The following PPP1R3A variants were observed in gnomAD, a reference collection of about 807,000 sequenced individuals.
PPP1R3A encodes RG1.
Under a neutral mutation model 41.7 loss-of-function variants are expected in PPP1R3A, and 29 were observed. That is an observed-to-expected ratio of 0.70 (90% CI 0.52 to 0.95). The LOEUF (loss-of-function observed/expected upper bound fraction) is 0.95, where lower values mean the gene tolerates loss of function less well. PPP1R3A is among the 40% of genes least tolerant of loss of function. The pLI, the probability that PPP1R3A is intolerant of heterozygous loss-of-function variation, is 0.00. For missense variants in PPP1R3A, 1,352 were observed against 1,292.4 expected (o/e 1.05, Z -0.71); for synonymous variants, 485 against 453.4 (o/e 1.07, Z -0.89).
chr7:113,918,548 T>C lies in PPP1R3A; in HGVS notation c.449A>G (p.Asn150Ser). 6.2e-7 allele frequency: 1 copy of C among 1,612,950 alleles called. No homozygotes were observed. The highest frequency in any genetic ancestry group is 1.7e-5 in the Admixed American group (1 of 59,940). Reference sequence around the variant, plus strand: ...ATATACTAACTTCTCAAAAGAAACATTCAAAACTCGAATAATACCCTTGAT... The same window carrying C: ...ATATACTAACTTCTCAAAAGAAACACTCAAAACTCGAATAATACCCTTGAT... ...TSIKGIIRVL[N>S]VSFEKLVYVR... Residue 150 changes from asparagine to serine, a missense_variant, in exon 1 of 4, where the codon AAT (asparagine) becomes AGT (serine). Coordinates refer to ENST00000284601, the MANE Select transcript of PPP1R3A (RefSeq NM_002711.4).
chr7:113,912,429 T>C lies in PPP1R3A; in HGVS notation c.782+5786A>G, dbSNP rs139441579. On this transcript the variant is annotated intron_variant, in intron 1 of 3. Transcript: ENST00000284601. ...TATAAGCATACAACACACACACACA[T>C]ATATATATACACAAACACATATATG... is the stretch of plus-strand genomic sequence containing the variant. 7.0e-4 allele frequency among the ~76,000 whole-genome samples: 107 copies of C among 152,162 alleles called. 1 individual carries two copies. The Middle Eastern group carries it at 0.01, about 15-fold the overall frequency.
chr7:113,882,409 A>G, intron 1 of PPP1R3A, 89 bp from the exon 2 acceptor site: 1 of 773,146 alleles, frequency 1.3e-6, no homozygotes, highest in East Asian at 2.7e-5. Flanking sequence ...ATCAGTAACA[A>G]GCCAAATAAA....
At chr7:113,901,190 G>A (rs756670806) in intron 1 of PPP1R3A, among the ~76,000 whole-genome samples, 3 of 151,610 alleles carry the variant, frequency 2.0e-5, no homozygotes, top group Non-Finnish European at 3.0e-5. Context: ...CCTCACTGTG[G>A]GTAGTGACTT....
rs1200437315 is a variant in PPP1R3A at position 113,879,597 on chromosome 7, CT to C, written c.1494del (p.Glu499AsnfsTer26). On this transcript the variant is annotated frameshift_variant, in exon 4 of 4. Coordinates refer to ENST00000284601, the MANE Select transcript of PPP1R3A (RefSeq NM_002711.4). LOFTEE classifies it low-confidence loss of function (END_TRUNC). ...TTAGAAGATCCTTCTTCTGTTGATT[CT>C]TTGAGACATGCCGACGTATCTGAAT... ...DFHSDTSACL[K>X]ESTEEGSSKE... The C allele has an allele frequency of 1.2e-6, 2 of 1,613,136 alleles. No individual in the cohort carries two copies. Among genetic ancestry groups the C allele is most frequent in the Non-Finnish European group, 1.7e-6 (2 of 1,179,652 alleles).
intron 1 of PPP1R3A, 75 bp from the exon 2 acceptor site, chr7:113,882,395 T>C: frequency 1.1e-6 from 1 of 878,192 alleles, no homozygotes; most frequent in South Asian, 1.4e-5. Flanking sequence ...CAGGGGGAAA[T>C]TCAATCAGTA....
In PPP1R3A at chr7:113,879,291, G is replaced by A. The variant is rs1163060578; in HGVS notation, c.1801C>T (p.His601Tyr). Residue 601 changes from histidine (H) to tyrosine (Y), a missense_variant, in exon 4 of 4, where the codon CAT becomes TAT. Transcript: ENST00000284601. ...GCGCTGCCTTCACTAGTCAAATGAT[G>A]ATGCTCTGGGGTTAACACAGCTTCT... is the stretch of plus-strand genomic sequence containing the variant. ...WEEAVLTPEH[H>Y]HLTSEGSALG... 6.2e-7 allele frequency: 1 copy of A among 1,613,630 alleles called. No individual in the cohort carries two copies.
chr7:113,906,767 G>A (rs899825142), intron 1 of PPP1R3A, among the ~76,000 whole-genome samples: 8 of 151,760 alleles, frequency 5.3e-5, no homozygotes, highest in African/African-American at 1.9e-4. Context: ...TTGGTCACAT[G>A]GGGACTAATA....
chr7:113,887,135 T>C (rs934607312), intron 1 of PPP1R3A, among the ~76,000 whole-genome samples: 13 of 152,118 alleles, frequency 8.5e-5, no homozygotes, highest in African/African-American at 3.1e-4. Flanking sequence ...TTTTAAAATA[T>C]GTATATTTTT....
intron 1 of PPP1R3A, among the ~76,000 whole-genome samples, chr7:113,883,223 T>G (rs2129114432): frequency 6.6e-6 from 1 of 152,108 alleles, no homozygotes; most frequent in East Asian, 1.9e-4. Flanking sequence ...TATACACATT[T>G]TCTTATACTC....
Position 113,918,314 on chromosome 7 carries a change from G to A in PPP1R3A, c.683C>T (p.Thr228Ile). 1 of 1,612,554 alleles carries A rather than the reference G, an allele frequency of 6.2e-7. No individual in the cohort carries two copies. Among genetic ancestry groups the A allele is most frequent in the Non-Finnish European group, 8.5e-7 (1 of 1,178,990 alleles). The change falls in exon 1 of 4, where the codon ACA becomes ATA. Residue 228 changes from threonine to isoleucine, a missense_variant. Coordinates refer to ENST00000284601, the MANE Select transcript of PPP1R3A (RefSeq NM_002711.4). ...FWSNNNGTNY[T>I]FICQKKEQEP... is the part of the protein sequence containing the mutation. The stretch of plus-strand genomic sequence containing the variant: ...TTGTTCTTTCTTTTGACAAATGAAT[G>A]TATAATTTGTGCCATTATTATTTGA...
At position 113,878,351 on chromosome 7, in the gene PPP1R3A, G is replaced by A. The variant is rs1404292726; in HGVS notation, c.2741C>T (p.Ser914Phe). ...TTCAGTATGATGTTTGGAAAAAGGA[G>A]AGCTATTCTGAGGAGCTCTATTAGT... ...SDTNRAPQNS[S>F]PFSKHHTEIS... The change falls in exon 4 of 4, where the codon TCT (serine) becomes TTT (phenylalanine). Residue 914 changes from serine (S) to phenylalanine (F), a missense_variant. Coordinates refer to ENST00000284601, the MANE Select transcript of PPP1R3A (RefSeq NM_002711.4). 1 of 1,612,634 alleles carries A rather than the reference G, an allele frequency of 6.2e-7. No homozygotes were observed. The highest frequency in any genetic ancestry group is 8.5e-7 in the Non-Finnish European group (1 of 1,179,666).
rs1247617776 is a variant in PPP1R3A, at chr7:113,879,248, C to T, written c.1844G>A (p.Gly615Asp). The T allele has an allele frequency of 6.2e-7, 1 of 1,613,670 alleles. No homozygotes were observed. Among genetic ancestry groups the T allele is most frequent in the South Asian group, 1.1e-5 (1 of 91,084 alleles). The change falls in exon 4 of 4, where the codon GGT (glycine) becomes GAT (aspartate). Residue 615 changes from glycine to aspartate, a missense_variant. By Grantham distance (94) the Gly-to-Asp change is moderately conservative (BLOSUM62 -1). Transcript: ENST00000284601. ...SEGSALGGIT[G>D]QVCSSRTGNV... is the part of the protein sequence containing the mutation. Reference sequence around the variant, plus strand: ...TCCAGTTCTTGATGAACAAACTTGACCAGTTATCCCTCCTAAAGCGCTGCC... The same window carrying T: ...TCCAGTTCTTGATGAACAAACTTGATCAGTTATCCCTCCTAAAGCGCTGCC...
chr7:113,913,753 T>C (rs1015020970), intron 1 of PPP1R3A, among the ~76,000 whole-genome samples: 2 of 152,132 alleles, frequency 1.3e-5, no homozygotes, highest in Non-Finnish European at 2.9e-5. Context: ...GTACACAGTG[T>C]CAGCTCTAGG....
chr7:113,881,366 C>T (rs1796693446), intron 3 of PPP1R3A, among the ~76,000 whole-genome samples: 1 of 151,882 alleles, frequency 6.6e-6, no homozygotes, highest in South Asian at 2.1e-4. Flanking sequence ...GGATAAATTG[C>T]ATTATGTGAC....
In PPP1R3A at chr7:113,878,270, A is replaced by G. The variant is rs138771673; in HGVS notation, c.2822T>C (p.Met941Thr). 1.5e-4 allele frequency: 245 copies of G among 1,613,100 alleles called. 1 individual carries two copies. The highest frequency in any genetic ancestry group is 2.0e-4 in the Non-Finnish European group (235 of 1,179,576). ...TTTCGTAGAAATAGGTTGGCTAGCCATGGTAGTAACTGCATTCTCTACAGC... is the reference window on the plus strand; with the variant it reads ...TTTCGTAGAAATAGGTTGGCTAGCCGTGGTAGTAACTGCATTCTCTACAGC... ...AIAVENAVTT[M>T]ASQPISTKSE... Residue 941 changes from methionine (M) to threonine (T), a missense_variant, in exon 4 of 4, where the codon ATG (methionine) becomes ACG (threonine). Transcript: ENST00000284601.
At chr7:113,888,255 T>C (rs1241150087) in intron 1 of PPP1R3A, among the ~76,000 whole-genome samples, 1 of 152,064 alleles carries the variant, frequency 6.6e-6, no homozygotes, top group East Asian at 1.9e-4. Flanking sequence ...CGTGGTCAGA[T>C]TTACATTTAC....
chr7:113,899,432 T>A (rs1797029016), intron 1 of PPP1R3A, among the ~76,000 whole-genome samples: 1 of 151,860 alleles, frequency 6.6e-6, no homozygotes, highest in Non-Finnish European at 1.5e-5. Flanking sequence ...AATAAATATA[T>A]AAAGCTTATC....
chr7:113,903,931 A>G (rs1671745427), intron 1 of PPP1R3A, among the ~76,000 whole-genome samples: 1 of 151,666 alleles, frequency 6.6e-6, no homozygotes. Flanking sequence ...CCTTCTCCAC[A>G]TTCACAAATT....
At chr7:113,893,653 C>T (rs1422888491) in intron 1 of PPP1R3A, among the ~76,000 whole-genome samples, 2 of 151,986 alleles carry the variant, frequency 1.3e-5, no homozygotes, top group Non-Finnish European at 2.9e-5. Flanking sequence ...TACTAAACTG[C>T]TCAAGCATTC....
Sources: gnomAD v4.1 joint callset for allele counts (sites outside exome capture counted in the v4.1 genomes callset) on GRCh38, gnomAD v4.1.1 for gene constraint, MANE v1.5 for transcripts, NCBI Gene and HGNC (gene_info 2026-07-23, HGNC 2026-07-21) for gene names.